The following MAN2A2 variants were observed in gnomAD, a reference collection of about 807,000 sequenced individuals.
MAN2A2 encodes the protein alpha-mannosidase 2x.
In MAN2A2, 79 loss-of-function variants were observed where a neutral mutation model predicts 126.8. The observed-to-expected ratio is 0.62, with a 90% CI of 0.52 to 0.75. The LOEUF (loss-of-function observed/expected upper bound fraction) is 0.75. Among genes scored for constraint, MAN2A2 ranks in the 30% least tolerant of loss-of-function variants. The pLI, the probability that MAN2A2 is intolerant of heterozygous loss-of-function variation, is 0.00. For missense variants in MAN2A2, 1,392 were observed against 1,522.4 expected (o/e 0.91, Z 1.43); for synonymous variants, 671 against 618.7 (o/e 1.08, Z -1.25).
chr15:90,913,173 C>T, intron 17 of MAN2A2, 100 bp from the exon 18 acceptor site: 2 of 1,457,042 alleles, frequency 1.4e-6, no homozygotes, highest in South Asian at 1.3e-5. Flanking sequence ...GGAGGTTGGA[C>T]AGAGCCTCTC....
At chr15:90,907,203 A>C in intron 7 of MAN2A2, 106 bp from the exon 8 acceptor site, 1 of 1,154,992 alleles carries the variant, frequency 8.7e-7, no homozygotes, top group South Asian at 1.4e-5. Flanking sequence ...AGGTCCAGTT[A>C]CAGCCTCGCG....
intron 8 of MAN2A2, 100 bp downstream of exon 8, chr15:90,907,595 G>T: frequency 8.8e-7 from 1 of 1,134,276 alleles, no homozygotes; most frequent in Non-Finnish European, 1.2e-6. Context: ...GTGAGTTGAG[G>T]CTCCTAGCCT....
intron 21 of MAN2A2, 39 bp from the exon 22 acceptor site, chr15:90,918,606 G>C: frequency 7.1e-7 from 1 of 1,403,566 alleles, no homozygotes; most frequent in South Asian, 1.2e-5. Context: ...ATCTCTGAAA[G>C]CCCTGCGCCC....
chr15:90,907,178 A>T, intron 7 of MAN2A2, 131 bp from the exon 8 acceptor site: 1 of 974,732 alleles, frequency 1.0e-6, no homozygotes, highest in Non-Finnish European at 1.5e-6. Flanking sequence ...TGGCCTACAC[A>T]CTCTCTCCAG....
chr15:90,909,942 C>T, intron 9 of MAN2A2, 148 bp from the exon 10 acceptor site: 2 of 693,718 alleles, frequency 2.9e-6, no homozygotes, highest in Non-Finnish European at 4.7e-6. Flanking sequence ...TCCCAGGCTC[C>T]CCTACTTCTG....
intron 19 of MAN2A2, among the ~76,000 whole-genome samples, chr15:90,914,810 G>A (rs779696814): frequency 2.0e-5 from 3 of 152,142 alleles, no homozygotes; most frequent in Admixed American, 6.5e-5. Flanking sequence ...GAGCCAACAC[G>A]CCCGGCCAAG....
At position 90,906,780 on chromosome 15, in the gene MAN2A2, A is replaced by T. The variant is rs776361942; in HGVS notation, c.876A>T (p.Gly292=). The T allele has an allele frequency of 3.1e-6, 5 of 1,613,564 alleles. No individual in the cohort carries two copies. The highest frequency in any genetic ancestry group is 4.2e-6 in the Non-Finnish European group (5 of 1,179,956). Residue 292 remains glycine (G), a synonymous_variant, in exon 7 of 23, where the codon GGA becomes GGT. Coordinates refer to ENST00000559717, the MANE Select transcript of MAN2A2 (RefSeq NM_006122.4). ...PRSGWAVDPF[G]YSSTMPYLLR... ...CTGGCTGGGCAGTGGACCCCTTTGG[A>T]TACAGCTCCACCATGCCTTACCTGC...
At chr15:90,908,290 G>A (rs1567120026) in intron 8 of MAN2A2, among the ~76,000 whole-genome samples, 1 of 152,136 alleles carries the variant, frequency 6.6e-6, no homozygotes, top group Non-Finnish European at 1.5e-5. Flanking sequence ...GATAAGTTAG[G>A]GGAAAGTGGT....
chr15:90,914,653 G>A (rs1386186058), intron 19 of MAN2A2, among the ~76,000 whole-genome samples: 1 of 152,142 alleles, frequency 6.6e-6, no homozygotes, highest in African/African-American at 2.4e-5. Flanking sequence ...CTGAGTAGCT[G>A]GGATTACAGG....
At chr15:90,912,804 C>T in intron 16 of MAN2A2, 73 bp from the exon 17 acceptor site, 1 of 1,553,074 alleles carries the variant, frequency 6.4e-7, no homozygotes, top group South Asian at 1.1e-5. Context: ...GCTCTCTTGC[C>T]CAGCCCTGGG....
At chr15:90,904,455 G>C (rs925202145) in intron 2 of MAN2A2, 116 bp downstream of exon 2, 6 of 1,174,612 alleles carry the variant, frequency 5.1e-6, no homozygotes, top group Middle Eastern at 3.0e-4. Flanking sequence ...TGTCAGTACA[G>C]GACAGGAGCC....
At position 90,918,734 on chromosome 15, in the gene MAN2A2, C is replaced by A; in HGVS notation, c.3279C>A (p.Asn1093Lys). 6.6e-7 allele frequency: 1 copy of A among 1,521,536 alleles called. No individual in the cohort carries two copies. The highest frequency in any genetic ancestry group is 9.1e-7 in the Non-Finnish European group (1 of 1,096,298). 94.3% of individuals were successfully genotyped at this position (1,521,536 alleles called of 1,614,324 possible). The change falls in exon 22 of 23, where the codon AAC (asparagine) becomes AAA (lysine). Residue 1093 changes from asparagine (N) to lysine (K), a missense_variant. Transcript: ENST00000559717. ...CGLEAKNLGF[N>K]CTTSQGKVAL... is the part of the protein sequence containing the mutation. ...TGGAGGCCAAGAACTTGGGCTTCAA[C>A]TGCACCACAAGCCAAGGCAAGGTGA...
At chr15:90,904,750 C>T (rs771710537) in intron 2 of MAN2A2, among the ~76,000 whole-genome samples, 17 of 152,090 alleles carry the variant, frequency 1.1e-4, no homozygotes, top group Non-Finnish European at 1.6e-4. Flanking sequence ...CCACCATGCC[C>T]GACTAATTTT....
intron 20 of MAN2A2, chr15:90,916,548 C>T (rs1039991277): frequency 3.6e-6 from 5 of 1,407,246 alleles, no homozygotes; most frequent in African/African-American, 1.4e-5. Context: ...GCCTGTGCTC[C>T]AACCCCGCTC....
intron 19 of MAN2A2, 94 bp downstream of exon 19, chr15:90,913,849 C>T: frequency 7.0e-7 from 1 of 1,434,928 alleles, no homozygotes; most frequent in Non-Finnish European, 9.2e-7. Flanking sequence ...CCTCCCTTGC[C>T]TCTTTCTGGA....
At chr15:90,918,798 T>C (rs1433619714) in intron 22 of MAN2A2, 43 bp downstream of exon 22, 1 of 1,384,632 alleles carries the variant, frequency 7.2e-7, no homozygotes, top group Non-Finnish European at 1.0e-6. Context: ...ATGGCAGGCA[T>C]GAGCTTGGTA....
chr15:90,911,911 TC>T, intron 14 of MAN2A2, 131 bp from the exon 15 acceptor site: 1 of 729,018 alleles, frequency 1.4e-6, no homozygotes. Flanking sequence ...TCAGATCACC[TC>T]CACTTTGGAG....
chr15:90,904,620 C>G (rs28625852), intron 2 of MAN2A2, among the ~76,000 whole-genome samples: 1 of 150,660 alleles, frequency 6.6e-6, no homozygotes, highest in Non-Finnish European at 1.5e-5. Flanking sequence ...GACAGAGTCT[C>G]GCTCTGTCGC....
In MAN2A2 at chr15:90,909,419, A is replaced by T; in HGVS notation, c.1289A>T (p.Asp430Val). ...LVPLGDDFRY[D>V]KPQEWDAQFF... The stretch of plus-strand genomic sequence containing the variant: ...CCTCTTGGAGATGACTTCCGATATG[A>T]CAAGCCCCAGGAGTGGGATGCCCAG... The change falls in exon 9 of 23, where the codon GAC becomes GTC. Residue 430 changes from aspartate (D) to valine (V), a missense_variant. Asp to Val is a radical substitution (Grantham distance 152). Transcript: ENST00000559717. 6.2e-7 allele frequency: 1 copy of T among 1,614,092 alleles called. No individual in the cohort carries two copies. Among genetic ancestry groups the T allele is most frequent in the Admixed American group, 1.7e-5 (1 of 60,016 alleles).
Sources: gnomAD v4.1 joint callset for allele counts (sites outside exome capture counted in the v4.1 genomes callset) on GRCh38, gnomAD v4.1.1 for gene constraint, MANE v1.5 for transcripts, NCBI Gene and HGNC (gene_info 2026-07-23, HGNC 2026-07-21) for gene names.